Variants in PCDHGB6 observed in about 807,000 individuals in gnomAD.
PCDHGB6 encodes protocadherin gamma subfamily B, 6.
Under a neutral mutation model 59.1 loss-of-function variants are expected in PCDHGB6, and 51 were observed. The observed-to-expected ratio is 0.86, with a 90% confidence interval of 0.69 to 1.09. The LOEUF is 1.09. Ranked by LOEUF, PCDHGB6 falls within the 50% of genes least tolerant of loss-of-function variation. The pLI is 0.00. For synonymous variants in PCDHGB6, 466 were observed against 495.1 expected, an observed-to-expected ratio of 0.94 and a Z score of 0.78; for missense variants, 1,148 against 1,205.1, an observed-to-expected ratio of 0.95 and a Z score of 0.70.
Position 141,476,702 on chromosome 5 carries a change from C to CTGG in PCDHGB6, c.2419-18102_2419-18100dup, listed in dbSNP as rs1562056101. On this transcript the variant is annotated intron_variant, in intron 1 of 3. Coordinates refer to ENST00000520790, the MANE Select transcript of PCDHGB6 (RefSeq NM_018926.3). This position sits in a 1 kb window ranked among gnomAD's most constrained non-coding sequence, Gnocchi z 7.6. ...GGAGGACAGCACCAAGTACGCGGAG[C>CTGG]TGGTGTTGGAGCGCGCCCTGGACCG... 5 of 1,614,222 alleles carry CTGG rather than the reference C, an allele frequency of 3.1e-6. No homozygotes were observed. The highest frequency in any genetic ancestry group is 4.2e-6 in the Non-Finnish European group (5 of 1,180,042).
At chr5:141,502,818 C>T (rs1209481886) in intron 2 of PCDHGB6, among the ~76,000 whole-genome samples, 1 of 150,836 alleles carries the variant, frequency 6.6e-6, no homozygotes, top group Non-Finnish European at 1.5e-5. Context: ...ACTGTCTTTT[C>T]CTTGGGGAAG....
chr5:141,479,109 A>G (rs925202951), intron 1 of PCDHGB6, among the ~76,000 whole-genome samples: 4 of 152,234 alleles, frequency 2.6e-5, no homozygotes, highest in Admixed American at 2.6e-4. Context: ...TATTTCAAGC[A>G]TTCTACTGGA....
chr5:141,413,013 C>A, intron 1 of PCDHGB6: 2 of 661,008 alleles, frequency 3.0e-6, no homozygotes, highest in Admixed American at 6.8e-5. Context: ...GCTTCAACTA[C>A]ACAAGCCCCA....
chr5:141,490,945 C>T lies in PCDHGB6; in HGVS notation c.2419-3862C>T, dbSNP rs2099706308. On this transcript the variant is annotated intron_variant, in intron 1 of 3. Transcript: ENST00000520790. This position sits in a 1 kb window ranked among gnomAD's most constrained non-coding sequence, Gnocchi z 5.4. ...TGCCCCAGCTGTGCTGCACCCACGG[C>T]CAGACTGGGAACACTCAGCCCCCCA... The T allele has an allele frequency of 6.2e-7, 1 of 1,613,434 alleles. No homozygotes were observed. Among genetic ancestry groups the T allele is most frequent in the South Asian group, 1.1e-5 (1 of 91,010 alleles).
Position 141,409,125 on chromosome 5 carries a change from A to AT in PCDHGB6, c.927dup (p.Glu310Ter). 6.2e-7 allele frequency: 1 copy of AT among 1,613,982 alleles called. No homozygotes were observed. Among genetic ancestry groups the AT allele is most frequent in the African/African-American group, 1.3e-5 (1 of 75,038 alleles). ...ATGATTAAGAATAACCAGTCATTTGATTTTGAAGATGTAGAAAGGTACACC... is the reference window on the plus strand; with the variant it reads ...ATGATTAAGAATAACCAGTCATTTGATTTTTGAAGATGTAGAAAGGTACACC... On this transcript the variant is annotated frameshift_variant, in exon 1 of 4. Coordinates refer to ENST00000520790, the MANE Select transcript of PCDHGB6 (RefSeq NM_018926.3). LOFTEE classifies it high-confidence loss of function.
At position 141,489,505 on chromosome 5, in the gene PCDHGB6, A is replaced by G. The variant is rs1198371307; in HGVS notation, c.2419-5302A>G. On this transcript the variant is annotated intron_variant, in intron 1 of 3. Transcript: ENST00000520790. The surrounding 1 kb of genome is among the most constrained non-coding windows in gnomAD (Gnocchi z 4.5). ...GAGTGGTGCCCTGGCAGTGAATCAA[A>G]AGATTGACCGAGAAAGCCTATGTGG... The G allele has an allele frequency of 1.9e-6, 3 of 1,613,972 alleles. No homozygotes were observed. The Admixed American group carries it at 5.0e-5, about 27-fold the overall frequency.
Position 141,415,578 on chromosome 5 carries a change from G to A in PCDHGB6, c.2418+4958G>A, listed in dbSNP as rs372519745. On this transcript the variant is annotated intron_variant, in intron 1 of 3. Transcript: ENST00000520790. ...ATCCTTTGTCTTTGTTAGATGATTCGAAGTTTCCTATAGAGGATACCCCAT... is the reference window on the plus strand; with the variant it reads ...ATCCTTTGTCTTTGTTAGATGATTCAAAGTTTCCTATAGAGGATACCCCAT... 678 of 1,613,890 alleles carry A rather than the reference G, an allele frequency of 4.2e-4. 10 individuals are homozygous for A. In the South Asian group the frequency reaches 6.8e-3, roughly 16 times the overall value.
rs1160304959 is a variant in PCDHGB6, at chr5:141,490,969, C to A, written c.2419-3838C>A. On this transcript the variant is annotated intron_variant, in intron 1 of 3. Coordinates refer to ENST00000520790, the MANE Select transcript of PCDHGB6 (RefSeq NM_018926.3). This position sits in a 1 kb window ranked among gnomAD's most constrained non-coding sequence, Gnocchi z 5.4. ...GCCAGACTGGGAACACTCAGCCCCC[C>A]AGCGTCTCCCTCGCTCTGCTCCTCC... The A allele has an allele frequency of 2.5e-6, 4 of 1,613,820 alleles. No individual in the cohort carries two copies. In the African/African-American group the frequency reaches 4.0e-5, roughly 16 times the overall value.
chr5:141,431,227 C>A lies in PCDHGB6; in HGVS notation c.2418+20607C>A, dbSNP rs759752051. On this transcript the variant is annotated intron_variant, in intron 1 of 3. Transcript: ENST00000520790. This position sits in a 1 kb window ranked among gnomAD's most constrained non-coding sequence, Gnocchi z 4.8. Reference sequence around the variant, plus strand: ...CTGAGATGCGGTTCCCTCTACCCCACGCCTGGGATCCGGATATCGGGAAGA... The same window carrying A: ...CTGAGATGCGGTTCCCTCTACCCCAAGCCTGGGATCCGGATATCGGGAAGA... 6.2e-7 allele frequency: 1 copy of A among 1,614,180 alleles called. No homozygotes were observed. The highest frequency in any genetic ancestry group is 8.5e-7 in the Non-Finnish European group (1 of 1,180,042).
chr5:141,494,756 A>G (rs780402065), intron 1 of PCDHGB6, 51 bp from the exon 2 acceptor site: 2 of 1,613,460 alleles, frequency 1.2e-6, no homozygotes, highest in South Asian at 1.1e-5. Context: ...CTCGGGTGAC[A>G]TTCTAACTTC....
intron 1 of PCDHGB6, among the ~76,000 whole-genome samples, chr5:141,435,790 A>G (rs1336963117): frequency 2.0e-5 from 3 of 152,168 alleles, no homozygotes; most frequent in African/African-American, 7.2e-5. Flanking sequence ...GCAGGGAAAC[A>G]TAACGTCCCA....
intron 1 of PCDHGB6, among the ~76,000 whole-genome samples, chr5:141,443,772 C>T (rs1284723564): frequency 6.6e-6 from 1 of 151,568 alleles, no homozygotes; most frequent in Non-Finnish European, 1.5e-5. Context: ...TACAATATTA[C>T]CAAAAAGACA....
chr5:141,466,992 A>ATTT (rs985433044), intron 1 of PCDHGB6, among the ~76,000 whole-genome samples: 1 of 148,706 alleles, frequency 6.7e-6, no homozygotes, highest in African/African-American at 2.5e-5. Flanking sequence ...ACCTTTTGGC[A>ATTT]TTTTTTTGCA....
chr5:141,475,908 A>G (rs531350638), intron 1 of PCDHGB6: 110 of 585,688 alleles, frequency 1.9e-4, no homozygotes, highest in Non-Finnish European at 2.5e-4. Context: ...CTGTCGGCCA[A>G]TGAAGACGCT....
At chr5:141,463,900 C>G (rs879243077) in intron 1 of PCDHGB6, among the ~76,000 whole-genome samples, 4 of 152,168 alleles carry the variant, frequency 2.6e-5, no homozygotes, top group Admixed American at 2.6e-4. Context: ...GCTTTTTGTA[C>G]TAATAATATA....
chr5:141,500,493 G>A (rs1239876467), intron 2 of PCDHGB6, among the ~76,000 whole-genome samples: 1 of 152,166 alleles, frequency 6.6e-6, no homozygotes, highest in Admixed American at 6.5e-5. Context: ...ACAGGCGTGA[G>A]CCACCGCGCC....
intron 1 of PCDHGB6, among the ~76,000 whole-genome samples, chr5:141,469,134 G>T (rs2099192163): frequency 6.6e-6 from 1 of 151,944 alleles, no homozygotes; most frequent in Non-Finnish European, 1.5e-5. Context: ...AAATTAGCCA[G>T]AAATGGTGGC....
In PCDHGB6 at chr5:141,487,522, T is replaced by C. The variant is rs764726787; in HGVS notation, c.2419-7285T>C. 2 of 1,614,166 alleles carry C rather than the reference T, an allele frequency of 1.2e-6. No individual in the cohort carries two copies. The highest frequency in any genetic ancestry group is 1.7e-6 in the Non-Finnish European group (2 of 1,180,022). ...TGGCTTCTGCACCCACTCGGAGTGATAGCTTCATGATGGTGAAGTCACCCA... is the reference window on the plus strand; with the variant it reads ...TGGCTTCTGCACCCACTCGGAGTGACAGCTTCATGATGGTGAAGTCACCCA... On this transcript the variant is annotated intron_variant, in intron 1 of 3. Coordinates refer to ENST00000520790, the MANE Select transcript of PCDHGB6 (RefSeq NM_018926.3). This position sits in a 1 kb window ranked among gnomAD's most constrained non-coding sequence, Gnocchi z 5.0.
rs199552905 is a variant in PCDHGB6 at position 141,423,400 on chromosome 5, C to A, written c.2418+12780C>A. On this transcript the variant is annotated intron_variant, in intron 1 of 3. Transcript: ENST00000520790. Reference sequence around the variant, plus strand: ...GCTGTGGCGCTGGCATAAGTCACGCCTGCTGCAGGCTTCTGAAGGCGGGTT... The same window carrying A: ...GCTGTGGCGCTGGCATAAGTCACGCATGCTGCAGGCTTCTGAAGGCGGGTT... 62 of 1,614,152 alleles carry A rather than the reference C, an allele frequency of 3.8e-5. No homozygotes were observed. The African/African-American group carries it at 6.9e-4, about 18-fold the overall frequency.
Sources: gnomAD v4.1 joint callset for allele counts (sites outside exome capture counted in the v4.1 genomes callset) on GRCh38, gnomAD v4.1.1 for gene constraint, Gnocchi (gnomAD v3.1) non-coding constraint, MANE v1.5 for transcripts, NCBI Gene and HGNC (gene_info 2026-07-23, HGNC 2026-07-21) for gene names.